The following GRAMD4 variants were observed in gnomAD, a reference collection of about 807,000 sequenced individuals.
GRAMD4 encodes the protein GRAM domain containing 4.
GRAMD4 carries 25 observed loss-of-function variants against 83.9 expected under a neutral mutation model. The observed-to-expected ratio is 0.30, with a 90% CI of 0.22 to 0.42. GRAMD4 has a LOEUF of 0.42. Ranked by LOEUF, GRAMD4 falls within the 10% of genes least tolerant of loss-of-function variation. The pLI is 1.00. For synonymous variants in GRAMD4, 336 were observed against 320.9 expected (o/e 1.05, Z -0.50); for missense variants, 593 against 788.7 (o/e 0.75, Z 2.97).
At chr22:46,605,489 A>G (rs2081356112) in intron 1 of GRAMD4, among the ~76,000 whole-genome samples, 1 of 152,350 alleles carries the variant, frequency 6.6e-6, no homozygotes, top group African/African-American at 2.4e-5. Flanking sequence ...GTTGGATCAT[A>G]TGGTAGTTCT....
chr22:46,580,891 C>G (rs751763417), intron 1 of GRAMD4, among the ~76,000 whole-genome samples: 7 of 145,398 alleles, frequency 4.8e-5, no homozygotes, highest in African/African-American at 1.8e-4. Context: ...CGCTTGAACC[C>G]GGGAGGCAGA....
At chr22:46,642,285 C>T (rs770822657) in intron 3 of GRAMD4, among the ~76,000 whole-genome samples, 15 of 152,210 alleles carry the variant, frequency 9.9e-5, no homozygotes, top group South Asian at 2.1e-4. Flanking sequence ...TGGAAGCTGA[C>T]GTTGATACAC....
rs2082291464 is a variant in GRAMD4, at chr22:46,659,214, G to A, written c.404+907G>A. Among the ~76,000 whole-genome samples the A allele has an allele frequency of 6.6e-6, 1 of 150,806 alleles. No homozygotes were observed. Among genetic ancestry groups the A allele is most frequent in the Non-Finnish European group, 1.5e-5 (1 of 67,682 alleles). ...CTCCACTCCAGCAGCCTCCTGCTTC[G>A]GCCTCCCTCTCAGCCTCCACTCCCT... On this transcript the variant is annotated intron_variant, in intron 4 of 18. Coordinates refer to ENST00000406902, the MANE Select transcript of GRAMD4 (RefSeq NM_015124.5). The surrounding 1 kb of genome is among the most constrained non-coding windows in gnomAD (Gnocchi z 4.1).
chr22:46,644,183 C>T (rs1179110933), intron 3 of GRAMD4, among the ~76,000 whole-genome samples: 1 of 152,262 alleles, frequency 6.6e-6, no homozygotes, highest in Non-Finnish European at 1.5e-5. Flanking sequence ...GTTACACTTG[C>T]CCCTGTTCTA....
chr22:46,667,957 C>T (rs936191538), intron 10 of GRAMD4, 139 bp from the exon 11 acceptor site: 10 of 644,282 alleles, frequency 1.6e-5, no homozygotes, highest in Non-Finnish European at 2.5e-5. Context: ...GTGCCAGGTC[C>T]CCAAGGGATG....
chr22:46,616,535 G>A (rs1272697929), upstream of GRAMD4, among the ~76,000 whole-genome samples: 1 of 134,860 alleles, frequency 7.4e-6, no homozygotes, highest in Non-Finnish European at 1.6e-5. Context: ...CCCTTGTGTA[G>A]GTTCCCCCGT....
Position 46,659,321 on chromosome 22 carries a change from A to C in GRAMD4, c.404+1014A>C. Among the ~76,000 whole-genome samples, 1 of 139,778 alleles carries C rather than the reference A, an allele frequency of 7.2e-6. No individual in the cohort carries two copies. Among genetic ancestry groups the C allele is most frequent in the Non-Finnish European group, 1.6e-5 (1 of 63,964 alleles). 91.7% of individuals were successfully genotyped at this position (139,778 alleles called of 152,430 possible). On this transcript the variant is annotated intron_variant, in intron 4 of 18. Coordinates refer to ENST00000406902, the MANE Select transcript of GRAMD4 (RefSeq NM_015124.5). The surrounding 1 kb of genome is among the most constrained non-coding windows in gnomAD (Gnocchi z 4.1). ...TCTTCAGCCTCCGTCCTCAGACTCC[A>C]CTCCCTCAGCCTCCCCACTCAGGTT...
chr22:46,676,458 CT>C (rs2147430015), intron 17 of GRAMD4, 141 bp from the exon 18 acceptor site: 2 of 677,052 alleles, frequency 3.0e-6, no homozygotes, highest in East Asian at 5.5e-5. Flanking sequence ...AGGCCCTTAC[CT>C]TCTGTTGTTT....
chr22:46,639,121 T>A (rs1211175239), intron 3 of GRAMD4, among the ~76,000 whole-genome samples: 1 of 152,016 alleles, frequency 6.6e-6, no homozygotes, highest in Non-Finnish European at 1.5e-5. Flanking sequence ...TGTGCTCATG[T>A]TTGTGTGGCT....
chr22:46,604,718 G>A (rs984015534), intron 1 of GRAMD4, among the ~76,000 whole-genome samples: 18 of 152,352 alleles, frequency 1.2e-4, no homozygotes, highest in Middle Eastern at 3.4e-3. Context: ...GAGCCATAAC[G>A]TCCTCTGGGT....
chr22:46,662,364 C>A (rs1278216781), intron 5 of GRAMD4, among the ~76,000 whole-genome samples: 1 of 152,264 alleles, frequency 6.6e-6, no homozygotes. Flanking sequence ...GCACCCGCTG[C>A]AGGCGGCTCC....
chr22:46,616,022 G>A (rs2081483677), upstream of GRAMD4, among the ~76,000 whole-genome samples: 1 of 58,972 alleles, frequency 1.7e-5, no homozygotes. Context: ...TGCTGTGCGT[G>A]TTGGTTCCCC....
At chr22:46,607,174 C>T (rs528229771) in intron 1 of GRAMD4, among the ~76,000 whole-genome samples, 1 of 148,494 alleles carries the variant, frequency 6.7e-6, no homozygotes, top group Non-Finnish European at 1.5e-5. Flanking sequence ...GATGTCCTTT[C>T]CTGAGCCACA....
At chr22:46,590,094 G>A (rs1288690007) in intron 1 of GRAMD4, among the ~76,000 whole-genome samples, 1 of 152,206 alleles carries the variant, frequency 6.6e-6, no homozygotes, top group Non-Finnish European at 1.5e-5. Flanking sequence ...GTTGGCCCGG[G>A]TGGGCAGAGC....
At chr22:46,675,658 G>T in intron 17 of GRAMD4, 106 bp downstream of exon 17, 1 of 782,126 alleles carries the variant, frequency 1.3e-6, no homozygotes, top group South Asian at 1.4e-5. Context: ...GTCAGCATCT[G>T]GGCGCCGCGG....
chr22:46,675,781 T>C (rs1335427688), intron 17 of GRAMD4, among the ~76,000 whole-genome samples: 1 of 152,170 alleles, frequency 6.6e-6, no homozygotes, highest in Non-Finnish European at 1.5e-5. Context: ...GTGGAGGGGC[T>C]GGGTTGGAGC....
chr22:46,675,167 G>C (rs1052719087), intron 16 of GRAMD4, among the ~76,000 whole-genome samples: 1 of 151,100 alleles, frequency 6.6e-6, no homozygotes, highest in Non-Finnish European at 1.5e-5. Flanking sequence ...AGCAGTGGCC[G>C]TGAGTGTCTC....
At chr22:46,595,797 C>T (rs1412740956) in intron 1 of GRAMD4, among the ~76,000 whole-genome samples, 1 of 152,248 alleles carries the variant, frequency 6.6e-6, no homozygotes, top group Non-Finnish European at 1.5e-5. Flanking sequence ...AGGTGAGCAC[C>T]CCATCTGACA....
chr22:46,629,935 G>A (rs964479251), intron 2 of GRAMD4, among the ~76,000 whole-genome samples: 8 of 152,156 alleles, frequency 5.3e-5, no homozygotes, highest in African/African-American at 1.9e-4. Context: ...AGGGACGCGA[G>A]GTTCATCCAT....
Sources: allele counts gnomAD v4.1 joint callset (sites outside exome capture counted in the v4.1 genomes callset), GRCh38; gene constraint gnomAD v4.1.1; non-coding constraint Gnocchi (gnomAD v3.1); transcripts MANE v1.5; gene names NCBI Gene and HGNC (gene_info 2026-07-23, HGNC 2026-07-21).